PTPN14: variants seen among roughly 807,000 people sequenced by gnomAD.
PTPN14 encodes the protein protein tyrosine phosphatase non-receptor type 14.
A neutral mutation model predicts 126.8 loss-of-function variants in PTPN14; 53 were observed. The ratio of observed to expected loss-of-function variants is 0.42; its 90% confidence interval spans 0.34 to 0.53. The LOEUF is 0.53. PTPN14 is among the 20% of genes least tolerant of loss of function. PTPN14 has a pLI of 0.08. For missense variants in PTPN14, 1,257 were observed against 1,552.9 expected, an observed-to-expected ratio of 0.81 and a Z score of 3.20; for synonymous variants, 630 against 599.3, an observed-to-expected ratio of 1.05 and a Z score of -0.75.
At chr1:214,372,640 A>C in intron 16 of PTPN14, 71 bp downstream of exon 16, 1 of 1,607,530 alleles carries the variant, frequency 6.2e-7, no homozygotes, top group Non-Finnish European at 8.5e-7. Context: ...CAAAGTTGAC[A>C]GCACAAAGCC....
chr1:214,397,230 G>A (rs1658898681), intron 8 of PTPN14, among the ~76,000 whole-genome samples: 1 of 152,140 alleles, frequency 6.6e-6, no homozygotes, highest in Admixed American at 6.5e-5. Flanking sequence ...AGTGTGCCCT[G>A]GATACACAGA....
intron 1 of PTPN14, among the ~76,000 whole-genome samples, chr1:214,543,277 T>C (rs1363187006): frequency 6.6e-6 from 1 of 152,210 alleles, no homozygotes; most frequent in African/African-American, 2.4e-5. Flanking sequence ...AACCCTTCAG[T>C]GATATTTATT....
chr1:214,408,423 CAACCAACCAACA>C (rs1659218748), intron 5 of PTPN14, among the ~76,000 whole-genome samples: 1 of 152,162 alleles, frequency 6.6e-6, no homozygotes, highest in Non-Finnish European at 1.5e-5. Context: ...AGCTACCCAC[CAACCAACCAACA>C]AACCAACCAA....
At chr1:214,394,718 G>C (rs2102554437) in intron 9 of PTPN14, among the ~76,000 whole-genome samples, 181 bp downstream of exon 9, 1 of 152,232 alleles carries the variant, frequency 6.6e-6, no homozygotes, top group Admixed American at 6.5e-5. Flanking sequence ...TTTAAACATG[G>C]GTATTTCATC....
rs1658569893 is a variant in PTPN14, at chr1:214,384,766, T to C, written c.1089A>G (p.Glu363=). 1 of 1,612,918 alleles carries C rather than the reference T, an allele frequency of 6.2e-7. No homozygotes were observed. Among genetic ancestry groups the C allele is most frequent in the African/African-American group, 1.3e-5 (1 of 74,892 alleles). Residue 363 remains glutamate, a synonymous_variant, in exon 13 of 19, where the codon GAA becomes GAG. Transcript: ENST00000366956. This position sits in a 1 kb window ranked among gnomAD's most constrained non-coding sequence, Gnocchi z 5.3. ...TGTGAGAGTTGCAATACAAGGCTTC[T>C]TCATTCCCATGAAAAATGCTGTCTA... The part of the protein sequence containing the change: ...TSQDSIFHGN[E]EALYCNSHNS...
chr1:214,398,575 T>C (rs1429944942), intron 7 of PTPN14, among the ~76,000 whole-genome samples: 5 of 149,570 alleles, frequency 3.3e-5, no homozygotes, highest in African/African-American at 1.2e-4. Context: ...GTCTCCCAAG[T>C]AGCTGGGACT....
At chr1:214,393,433 G>T (rs1658804028) in intron 10 of PTPN14, among the ~76,000 whole-genome samples, 1 of 152,204 alleles carries the variant, frequency 6.6e-6, no homozygotes, top group African/African-American at 2.4e-5. Context: ...GGTTGGAAAG[G>T]CGCTAATGTG....
intron 1 of PTPN14, among the ~76,000 whole-genome samples, chr1:214,547,523 A>G (rs546352797): frequency 9.1e-4 from 139 of 152,332 alleles, no homozygotes; most frequent in Middle Eastern, 3.4e-3. Context: ...AGACAACATT[A>G]AAGTTCAAAT....
chr1:214,398,529 CT>C lies in PTPN14; in HGVS notation c.670-529del, dbSNP rs1422469726. ...TGGCACAATTTTGGCTCACTGCAGC[CT>C]TGACCTCCTGGGCTCAGACAATCCT... On this transcript the variant is annotated intron_variant, in intron 7 of 18. Coordinates refer to ENST00000366956, the MANE Select transcript of PTPN14 (RefSeq NM_005401.5). Among the ~76,000 whole-genome samples the C allele has an allele frequency of 9.2e-5, 14 of 152,122 alleles. No individual in the cohort carries two copies. In the South Asian group the frequency reaches 2.5e-3, roughly 27 times the overall value.
chr1:214,436,786 CAAAAAAAAAAAAA>C (rs1159209240), intron 3 of PTPN14, among the ~76,000 whole-genome samples: 8 of 46,646 alleles, frequency 1.7e-4, no homozygotes, highest in African/African-American at 6.1e-4. Context: ...GACTCCGTCT[CAAAAAAAAAAAAA>C]AAAAAAAAAA....
chr1:214,414,981 G>A (rs537066302), intron 3 of PTPN14, among the ~76,000 whole-genome samples: 3 of 152,114 alleles, frequency 2.0e-5, no homozygotes, highest in South Asian at 2.1e-4. Context: ...GTAGGCCAGC[G>A]GGATAAACCA....
Position 214,353,843 on chromosome 1 carries a change from G to A in PTPN14, c.*4079C>T, listed in dbSNP as rs907698150. ...CTTTTGTGTTCATTAGCACTGCTCT[G>A]GAGAAATGACATCTGGTGTTGGGAC... On this transcript the variant is annotated 3_prime_UTR_variant, in exon 19 of 19. Transcript: ENST00000366956. 3 of 152,248 alleles carry A rather than the reference G, an allele frequency of 2.0e-5. No homozygotes were observed. The highest frequency in any genetic ancestry group is 4.4e-5 in the Non-Finnish European group (3 of 68,070). 9.4% of individuals were successfully genotyped at this position (152,248 alleles called of 1,614,324 possible).
chr1:214,478,254 A>AT (rs1214427022), intron 1 of PTPN14, among the ~76,000 whole-genome samples: 1 of 152,250 alleles, frequency 6.6e-6, no homozygotes, highest in Non-Finnish European at 1.5e-5. Context: ...GTTCAAGTAC[A>AT]TTTTGGCATA....
chr1:214,487,571 T>G (rs565658818), intron 1 of PTPN14, among the ~76,000 whole-genome samples: 3 of 150,032 alleles, frequency 2.0e-5, no homozygotes, highest in East Asian at 2.0e-4. Flanking sequence ...GAAGGAGAGG[T>G]TGCAACAAGC....
At chr1:214,516,053 C>G (rs17023144) in intron 1 of PTPN14, among the ~76,000 whole-genome samples, 12,183 of 152,152 alleles carry the variant, frequency 0.08, 676 homozygotes, top group East Asian at 0.28. Flanking sequence ...ACTCCTCTTT[C>G]GATAACATAA....
At chr1:214,468,137 G>A (rs547492663) in intron 1 of PTPN14, among the ~76,000 whole-genome samples, 1 of 152,194 alleles carries the variant, frequency 6.6e-6, no homozygotes, top group Admixed American at 6.5e-5. Flanking sequence ...ATTTTCTTCA[G>A]ATTTTGATAG....
intron 3 of PTPN14, among the ~76,000 whole-genome samples, chr1:214,417,958 C>T (rs954091251): frequency 2.6e-5 from 4 of 152,184 alleles, no homozygotes; most frequent in African/African-American, 7.2e-5. Context: ...ACATGCTCAG[C>T]GTAAGTCACA....
intron 1 of PTPN14, among the ~76,000 whole-genome samples, chr1:214,496,609 G>A (rs979244088): frequency 6.6e-6 from 1 of 152,158 alleles, no homozygotes; most frequent in Non-Finnish European, 1.5e-5. Flanking sequence ...GATGATACCT[G>A]TATATTCTTT....
At chr1:214,377,041 G>A (rs1417345173) in intron 14 of PTPN14, among the ~76,000 whole-genome samples, 1 of 152,176 alleles carries the variant, frequency 6.6e-6, no homozygotes, top group Non-Finnish European at 1.5e-5. Flanking sequence ...CGGGAACTAA[G>A]GATCCACCTT....
Sources: gnomAD v4.1 joint callset for allele counts (sites outside exome capture counted in the v4.1 genomes callset) on GRCh38, gnomAD v4.1.1 for gene constraint, Gnocchi (gnomAD v3.1) non-coding constraint, MANE v1.5 for transcripts, NCBI Gene and HGNC (gene_info 2026-07-23, HGNC 2026-07-21) for gene names.